ZNF385D: variants seen among roughly 807,000 people sequenced by gnomAD.
ZNF385D encodes zinc finger protein 659.
ZNF385D carries 15 observed loss-of-function variants against 35.8 expected under a neutral mutation model. That is an observed-to-expected ratio of 0.42 (90% confidence interval 0.28 to 0.64). ZNF385D has a LOEUF of 0.64. ZNF385D is among the 30% of genes least tolerant of loss of function. ZNF385D has a pLI of 0.23. For missense variants in ZNF385D, 474 were observed against 494.6 expected (o/e 0.96, Z 0.39); for synonymous variants, 212 against 186.8 (o/e 1.13, Z -1.10).
intron 2 of ZNF385D, among the ~76,000 whole-genome samples, chr3:22,189,605 T>C (rs1399035695): frequency 6.6e-6 from 1 of 152,152 alleles, no homozygotes; most frequent in Non-Finnish European, 1.5e-5. Flanking sequence ...TTTGTAGATT[T>C]GCAGATCTAA....
intron 3 of ZNF385D, among the ~76,000 whole-genome samples, chr3:21,545,484 A>C (rs2062338740): frequency 6.6e-6 from 1 of 152,200 alleles, no homozygotes; most frequent in Non-Finnish European, 1.5e-5. Flanking sequence ...AAGTTTTTTA[A>C]TAAATAAGGT....
intron 3 of ZNF385D, among the ~76,000 whole-genome samples, chr3:22,003,867 C>G (rs35742704): frequency 0.27 from 40,917 of 150,376 alleles, 6,158 homozygotes; most frequent in South Asian, 0.43. Flanking sequence ...ACTCCATCCC[C>G]CCACCAAAAA....
intron 3 of ZNF385D, among the ~76,000 whole-genome samples, chr3:21,818,763 T>C (rs1351561743): frequency 6.6e-6 from 1 of 152,054 alleles, no homozygotes; most frequent in Non-Finnish European, 1.5e-5. Flanking sequence ...TGAACATTCA[T>C]TATCCAAATA....
intron 3 of ZNF385D, among the ~76,000 whole-genome samples, chr3:22,139,852 C>T (rs6801460): frequency 0.23 from 34,461 of 151,850 alleles, 4,509 homozygotes; most frequent in East Asian, 0.41. Flanking sequence ...GGACATCATT[C>T]GTTATTTGGA....
intron 1 of ZNF385D, among the ~76,000 whole-genome samples, chr3:21,675,581 A>G (rs900790745): frequency 6.6e-6 from 1 of 151,998 alleles, no homozygotes; most frequent in African/African-American, 2.4e-5. Flanking sequence ...CCCTTTTTTG[A>G]TGAAAGGTGG....
chr3:22,026,051 G>C (rs1426640579), intron 3 of ZNF385D, among the ~76,000 whole-genome samples: 2 of 152,118 alleles, frequency 1.3e-5, no homozygotes, highest in Non-Finnish European at 2.9e-5. Flanking sequence ...GACTCGAGTA[G>C]AGCTCTGGCA....
chr3:21,745,950 T>A (rs775388085), intron 1 of ZNF385D, among the ~76,000 whole-genome samples: 3 of 152,218 alleles, frequency 2.0e-5, no homozygotes, highest in African/African-American at 2.4e-5. Context: ...CAATACTTAA[T>A]GTATTACATT....
chr3:21,856,802 C>T (rs9817124), intron 3 of ZNF385D, among the ~76,000 whole-genome samples: 31,047 of 151,936 alleles, frequency 0.2, 3,366 homozygotes, highest in Admixed American at 0.26. Flanking sequence ...TCAATAATGA[C>T]CTATTCAACA....
chr3:21,764,186 T>C (rs1443394506), intron 3 of ZNF385D, among the ~76,000 whole-genome samples: 11 of 152,138 alleles, frequency 7.2e-5, no homozygotes, highest in Admixed American at 6.6e-4. Flanking sequence ...ATTCTGGGCA[T>C]GGTTAACAGC....
intron 3 of ZNF385D, among the ~76,000 whole-genome samples, chr3:22,079,511 G>T (rs1479052309): frequency 6.6e-6 from 1 of 151,892 alleles, no homozygotes; most frequent in Non-Finnish European, 1.5e-5. Context: ...GTGAATTAAT[G>T]GTAATTACCA....
At chr3:21,933,313 C>T (rs1438094337) in intron 3 of ZNF385D, among the ~76,000 whole-genome samples, 3 of 152,164 alleles carry the variant, frequency 2.0e-5, no homozygotes, top group African/African-American at 7.2e-5. Context: ...TCTCTGTCCC[C>T]AGAAGAAATT....
intron 3 of ZNF385D, among the ~76,000 whole-genome samples, chr3:21,885,490 G>A (rs1241587102): frequency 1.3e-5 from 2 of 151,874 alleles, no homozygotes; most frequent in Non-Finnish European, 2.9e-5. Flanking sequence ...TGGGAAAAGA[G>A]CAAATGGAGA....
At chr3:21,627,040 A>G (rs866640543) in intron 2 of ZNF385D, among the ~76,000 whole-genome samples, 18 of 151,654 alleles carry the variant, frequency 1.2e-4, no homozygotes, top group Middle Eastern at 6.8e-3. Context: ...TTTTTGGACA[A>G]TTTAGGGAGG....
chr3:22,184,042 A>G (rs1695464651), intron 2 of ZNF385D, among the ~76,000 whole-genome samples: 1 of 152,154 alleles, frequency 6.6e-6, no homozygotes, highest in Non-Finnish European at 1.5e-5. Flanking sequence ...TTCTCTGGTG[A>G]ATTCAAAGAT....
At chr3:21,896,381 G>GA (rs202011889) in intron 3 of ZNF385D, among the ~76,000 whole-genome samples, 199 of 151,094 alleles carry the variant, frequency 1.3e-3, no homozygotes, top group African/African-American at 4.3e-3. Context: ...AAAGGTAAAT[G>GA]AAAAAAACAA....
chr3:21,958,238 G>C (rs9821707), intron 3 of ZNF385D, among the ~76,000 whole-genome samples: 103,902 of 151,940 alleles, frequency 0.68, 36,675 homozygotes, highest in Non-Finnish European at 0.77. Flanking sequence ...ATTTTGTGAG[G>C]TGATCACATT....
chr3:21,796,197 G>A (rs2072143200), intron 3 of ZNF385D, among the ~76,000 whole-genome samples: 1 of 152,180 alleles, frequency 6.6e-6, no homozygotes, highest in African/African-American at 2.4e-5. Flanking sequence ...CACTGCTGCA[G>A]TAACTAATTA....
chr3:21,825,086 T>C, intron 3 of ZNF385D, among the ~76,000 whole-genome samples: 1 of 152,236 alleles, frequency 6.6e-6, no homozygotes, highest in East Asian at 1.9e-4. Context: ...CAGTACCATA[T>C]AAGTCACTCA....
intron 2 of ZNF385D, among the ~76,000 whole-genome samples, chr3:21,608,688 G>T (rs1226476588): frequency 1.3e-5 from 2 of 152,160 alleles, no homozygotes; most frequent in Admixed American, 6.5e-5. Context: ...CTGATCATCT[G>T]CAGAGTGACT....
Sources: gnomAD v4.1 joint callset for allele counts (sites outside exome capture counted in the v4.1 genomes callset) on GRCh38, gnomAD v4.1.1 for gene constraint, MANE v1.5 for transcripts, NCBI Gene and HGNC (gene_info 2026-07-23, HGNC 2026-07-21) for gene names.